Variants in SYNE1 observed in about 807,000 individuals in gnomAD.
SYNE1 encodes nesprin-1.
A neutral mutation model predicts 1,111.0 loss-of-function variants in SYNE1; 616 were observed. The ratio of observed to expected loss-of-function variants is 0.55; its 90% CI spans 0.52 to 0.59. The LOEUF (loss-of-function observed/expected upper bound fraction) is 0.59, where lower values mean the gene tolerates loss of function less well. Ranked by LOEUF, SYNE1 falls within the 20% of genes least tolerant of loss-of-function variation. The pLI is 0.00. For synonymous variants in SYNE1, 3,855 were observed against 3,825.8 expected, an observed-to-expected ratio of 1.01 and a Z score of -0.28; for missense variants, 10,006 against 10,417.0, an observed-to-expected ratio of 0.96 and a Z score of 1.72.
chr6:152,139,945 G>T lies in SYNE1; in HGVS notation c.25458+5C>A. 1 of 1,612,940 alleles carries T rather than the reference G, an allele frequency of 6.2e-7. No individual in the cohort carries two copies. Among genetic ancestry groups the T allele is most frequent in the Non-Finnish European group, 8.5e-7 (1 of 1,180,016 alleles). ...TCCGCCGTGGGAAAGGCAAGGGGCA[G>T]CTACCTTGAGCTTTTTGATCTGGAG... is the stretch of plus-strand genomic sequence containing the variant. On this transcript the variant is annotated splice_donor_5th_base_variant and intron_variant, in intron 140 of 145. Coordinates refer to ENST00000367255, the MANE Select transcript of SYNE1 (RefSeq NM_182961.4).
intron 3 of SYNE1, among the ~76,000 whole-genome samples, chr6:152,543,127 T>C (rs1346849291): frequency 6.6e-6 from 1 of 152,140 alleles, no homozygotes; most frequent in Non-Finnish European, 1.5e-5. Flanking sequence ...AACAATTTCA[T>C]CTGATGGTAA....
At chr6:152,213,514 C>T (rs2077943080) in intron 123 of SYNE1, 98 bp downstream of exon 123, 1 of 1,376,858 alleles carries the variant, frequency 7.3e-7, no homozygotes, top group African/African-American at 1.4e-5. Context: ...GACACTCGTG[C>T]AAAGGGCATG....
At chr6:152,326,695 T>C in intron 78 of SYNE1, 62 bp from the exon 79 acceptor site, 1 of 1,493,006 alleles carries the variant, frequency 6.7e-7, no homozygotes, top group Non-Finnish European at 9.1e-7. Context: ...CAGGAAAGAG[T>C]TTTATTCACT....
At chr6:152,359,288 G>A (rs1238570451) in intron 65 of SYNE1, 27 bp downstream of exon 65, 2 of 1,613,004 alleles carry the variant, frequency 1.2e-6, no homozygotes, top group Non-Finnish European at 1.7e-6. Flanking sequence ...CTTTTGGTGA[G>A]TCTACAAGGA....
At position 152,167,562 on chromosome 6, in the gene SYNE1, C is replaced by G. The variant is rs142326692; in HGVS notation, c.23628-3237G>C. Among the ~76,000 whole-genome samples the G allele has an allele frequency of 1.1e-3, 163 of 152,302 alleles. 2 individuals carry two copies. In the South Asian group the frequency reaches 0.019, roughly 18 times the overall value. On this transcript the variant is annotated intron_variant, in intron 130 of 145. Transcript: ENST00000367255. ...ACTATTTTAGACATTAATTTGTACACTTTGCACATATATTTTATAAGCTTC... is the reference window on the plus strand; with the variant it reads ...ACTATTTTAGACATTAATTTGTACAGTTTGCACATATATTTTATAAGCTTC...
At chr6:152,339,450 A>G in intron 74 of SYNE1, 84 bp from the exon 75 acceptor site, 2 of 1,569,458 alleles carry the variant, frequency 1.3e-6, no homozygotes, top group Non-Finnish European at 1.7e-6. Flanking sequence ...TATTCTGTTG[A>G]CATTTCAAAA....
intron 91 of SYNE1, among the ~76,000 whole-genome samples, chr6:152,306,473 G>A (rs141591474): frequency 0.039 from 5,663 of 144,410 alleles, 223 homozygotes; most frequent in African/African-American, 0.1. Flanking sequence ...GCAACAGAGC[G>A]AGACTCCATC....
chr6:152,519,143 T>C (rs922241070), intron 6 of SYNE1, among the ~76,000 whole-genome samples: 1 of 151,930 alleles, frequency 6.6e-6, no homozygotes, highest in Admixed American at 6.6e-5. Flanking sequence ...ATAATAATAA[T>C]TTAAAAAAAG....
chr6:152,450,600 T>C, intron 27 of SYNE1, 25 bp downstream of exon 27: 1 of 1,598,990 alleles, frequency 6.3e-7, no homozygotes, highest in African/African-American at 1.3e-5. Flanking sequence ...ACTACACCCC[T>C]CTCTGGAGGC....
intron 145 of SYNE1, chr6:152,125,544 A>C (rs1214259873): frequency 5.9e-6 from 4 of 676,834 alleles, no homozygotes; most frequent in African/African-American, 5.4e-5. Context: ...CTACCCACAA[A>C]CTTTGGATCA....
intron 3 of SYNE1, among the ~76,000 whole-genome samples, chr6:152,549,368 T>C (rs1041370943): frequency 3.9e-5 from 6 of 152,266 alleles, no homozygotes; most frequent in African/African-American, 1.4e-4. Flanking sequence ...GCATGAATTC[T>C]GATTGGCTTA....
chr6:152,464,779 A>T (rs561590985), intron 18 of SYNE1: 180 of 217,362 alleles, frequency 8.3e-4, no homozygotes, highest in African/African-American at 3.9e-3. Context: ...TAACTGGCCA[A>T]AAAATAAATC....
intron 130 of SYNE1, among the ~76,000 whole-genome samples, chr6:152,173,623 T>G (rs900266871): frequency 4.6e-5 from 7 of 152,174 alleles, no homozygotes; most frequent in Admixed American, 3.9e-4. Context: ...CAGCCGGGTG[T>G]CTTTCAGGAG....
In SYNE1 at chr6:152,325,410, T is replaced by C. The variant is rs972206474; in HGVS notation, c.15439-108A>G. 1.6e-5 allele frequency: 17 copies of C among 1,031,090 alleles called. 1 individual carries two copies. The highest frequency in any genetic ancestry group is 1.5e-4 in the Admixed American group (8 of 52,892). The allele number at this position is 1,031,090 out of a possible 1,614,324, so 63.9% of individuals were successfully genotyped here. ...AGCCCAAAATTCCTGCAAAAGGAAATGTTTCTACATACGTTTATTCTCCTC... is the reference window on the plus strand; with the variant it reads ...AGCCCAAAATTCCTGCAAAAGGAAACGTTTCTACATACGTTTATTCTCCTC... On this transcript the variant is annotated intron_variant, in intron 80 of 145. Transcript: ENST00000367255.
intron 45 of SYNE1, among the ~76,000 whole-genome samples, chr6:152,406,158 A>G (rs1044209921): frequency 1.3e-5 from 2 of 152,194 alleles, no homozygotes; most frequent in African/African-American, 4.8e-5. Flanking sequence ...AAAGGTTTAA[A>G]GTGAATTGGT....
At position 152,331,217 on chromosome 6, in the gene SYNE1, T is replaced by C. The variant is rs1194823767; in HGVS notation, c.13468A>G (p.Ser4490Gly). ...CTCTTACATGTTTTGACTTGTTTGC[T>C]CACATCATCTGGTAACAGACAGATG... is the stretch of plus-strand genomic sequence containing the variant. The part of the protein sequence containing the change: ...EHICLLPDDV[S>G]KQVKTCKSAQ... Residue 4490 changes from serine (S) to glycine (G), a missense_variant, in exon 78 of 146, where the codon AGC becomes GGC. Transcript: ENST00000367255. The C allele has an allele frequency of 6.2e-7, 1 of 1,614,032 alleles. No homozygotes were observed. Among genetic ancestry groups the C allele is most frequent in the East Asian group, 2.2e-5 (1 of 44,876 alleles).
At chr6:152,386,764 C>T (rs948763879) in intron 54 of SYNE1, among the ~76,000 whole-genome samples, 16 of 151,568 alleles carry the variant, frequency 1.1e-4, no homozygotes, top group Non-Finnish European at 1.9e-4. Flanking sequence ...ACAACTTTAA[C>T]GGCGACATTT....
At chr6:152,251,984 T>C (rs1298022136) in intron 104 of SYNE1, among the ~76,000 whole-genome samples, 1 of 103,778 alleles carries the variant, frequency 9.6e-6, no homozygotes, top group Admixed American at 9.4e-5. Flanking sequence ...TTAAAACCAG[T>C]TGTGTCCGGG....
At chr6:152,478,402 A>G (rs1300822844) in intron 14 of SYNE1, 1 of 152,402 alleles carries the variant, frequency 6.6e-6, no homozygotes, top group East Asian at 1.9e-4. Context: ...ACTCCAACAA[A>G]GAAAGAAAGA....
Sources: gnomAD v4.1 joint callset for allele counts (sites outside exome capture counted in the v4.1 genomes callset) on GRCh38, gnomAD v4.1.1 for gene constraint, MANE v1.5 for transcripts, NCBI Gene and HGNC (gene_info 2026-07-23, HGNC 2026-07-21) for gene names.